The following VWDE variants were observed in gnomAD, a reference collection of about 807,000 sequenced individuals.
VWDE encodes the protein von Willebrand factor D and EGF domain-containing protein.
In VWDE, 207 loss-of-function variants were observed where a neutral mutation model predicts 178.4. That is an observed-to-expected ratio of 1.16 (90% CI 1.04 to 1.30). VWDE has a LOEUF of 1.30. Ranked by LOEUF, VWDE falls within the 50% of genes most tolerant of loss-of-function variation. The probability of loss-of-function intolerance (pLI) is 0.00; values close to 1 mark genes in which losing one functional copy is unlikely to be tolerated. For synonymous variants in VWDE, 738 were observed against 651.4 expected, an observed-to-expected ratio of 1.13 and a Z score of -2.02; for missense variants, 2,287 against 1,901.3, an observed-to-expected ratio of 1.20 and a Z score of -3.77.
At chr7:12,334,412 C>T (rs1406318320) in intron 27 of VWDE, among the ~76,000 whole-genome samples, 2 of 151,728 alleles carry the variant, frequency 1.3e-5, no homozygotes, top group Admixed American at 6.6e-5. Context: ...CTTACACATT[C>T]AAGAATAATT....
In VWDE at chr7:12,393,478, A is replaced by G. The variant is rs960132036; in HGVS notation, c.243+116T>C. ...GGGAATAGTCTTTCAGATTAACTCA[A>G]TACAAAATTAAAACAACATTTTAGC... On this transcript the variant is annotated intron_variant, in intron 2 of 28. Coordinates refer to ENST00000275358, the MANE Select transcript of VWDE (RefSeq NM_001135924.3). 1.6e-4 allele frequency: 139 copies of G among 881,894 alleles called. 1 individual carries two copies. The highest frequency in any genetic ancestry group is 4.5e-5 in the Non-Finnish European group (27 of 595,156). 54.6% of individuals were successfully genotyped at this position (881,894 alleles called of 1,614,324 possible). A position where few individuals can be genotyped will look rare whatever the true frequency, so the allele number is the denominator to read the frequency against.
intron 7 of VWDE, among the ~76,000 whole-genome samples, chr7:12,376,479 T>G (rs1160437610): frequency 6.6e-6 from 1 of 152,138 alleles, no homozygotes; most frequent in East Asian, 1.9e-4. Flanking sequence ...ATTTAGGCTA[T>G]TATTATATTA....
At position 12,369,888 on chromosome 7, in the gene VWDE, G is replaced by C. The variant is rs1314359609; in HGVS notation, c.2418C>G (p.Thr806=). The change falls in exon 12 of 29, where the codon ACC becomes ACG. Residue 806 remains threonine, a synonymous_variant. Coordinates refer to ENST00000275358, the MANE Select transcript of VWDE (RefSeq NM_001135924.3). The part of the protein sequence containing the change: ...PTPSGLTEYS[T]LTLCQETLAN... ...CTAGAGTCTCCTGACAGAGGGTCAA[G>C]GTGCTATACTCGGTGAGGCCAGAGG... 5.8e-6 allele frequency: 9 copies of C among 1,551,460 alleles called. No individual in the cohort carries two copies. Among genetic ancestry groups the C allele is most frequent in the Non-Finnish European group, 7.0e-6 (8 of 1,146,890 alleles).
intron 18 of VWDE, among the ~76,000 whole-genome samples, chr7:12,355,102 C>T (rs763562805): frequency 1.2e-4 from 19 of 152,132 alleles, no homozygotes; most frequent in Non-Finnish European, 2.5e-4. Context: ...AAGAGATCTA[C>T]ATTCATAGTT....
Position 12,380,527 on chromosome 7 carries a change from G to C in VWDE, c.748C>G (p.Leu250Val), listed in dbSNP as rs1054057543. Residue 250 changes from leucine to valine, a missense_variant, in exon 5 of 29, where the codon CTT becomes GTT. Physicochemically the swap from Leu to Val is conservative, Grantham distance 32. Coordinates refer to ENST00000275358, the MANE Select transcript of VWDE (RefSeq NM_001135924.3). Reference protein sequence around the residue: ...TQETTVQAFSLLELDGINLRL... With the variant: ...TQETTVQAFSVLELDGINLRL... The stretch of plus-strand genomic sequence containing the variant: ...AGATTTATGCCATCAAGTTCTAAAA[G>C]AGAGAATGCCTGAACTGTGGTCTCT... 1.9e-6 allele frequency: 3 copies of C among 1,551,774 alleles called. No individual in the cohort carries two copies. The highest frequency in any genetic ancestry group is 2.6e-6 in the Non-Finnish European group (3 of 1,147,048).
chr7:12,390,249 A>C (rs1251562641), intron 2 of VWDE, among the ~76,000 whole-genome samples: 1 of 152,074 alleles, frequency 6.6e-6, no homozygotes, highest in Non-Finnish European at 1.5e-5. Context: ...AATAGAATTA[A>C]ATAGAAAAAT....
At chr7:12,337,393 A>T (rs1393332603) in intron 24 of VWDE, 121 bp from the exon 25 acceptor site, 7 of 863,696 alleles carry the variant, frequency 8.1e-6, no homozygotes, top group Non-Finnish European at 1.3e-5. Context: ...TATTAAAATA[A>T]AAGATCACTC....
intron 1 of VWDE, among the ~76,000 whole-genome samples, chr7:12,395,702 A>C (rs2128563460): frequency 6.6e-6 from 1 of 152,094 alleles, no homozygotes; most frequent in South Asian, 2.1e-4. Context: ...AAATCTACTT[A>C]CCTCATTTAC....
rs1780687363 is a variant in VWDE at position 12,331,022 on chromosome 7, A to G, written c.*161T>C. The G allele has an allele frequency of 1.8e-6, 1 of 544,272 alleles. No homozygotes were observed. Among genetic ancestry groups the G allele is most frequent in the South Asian group, 2.9e-5 (1 of 34,404 alleles). 33.7% of individuals were successfully genotyped at this position (544,272 alleles called of 1,614,324 possible). A position where few individuals can be genotyped will look rare whatever the true frequency, so the allele number is the denominator to read the frequency against. ...CTGGATTTCTTCTTTGCTTTTCTCT[A>G]TGATTACAACAGAGATCATTATGTA... is the stretch of plus-strand genomic sequence containing the variant. On this transcript the variant is annotated 3_prime_UTR_variant, in exon 29 of 29. Coordinates refer to ENST00000275358, the MANE Select transcript of VWDE (RefSeq NM_001135924.3).
intron 7 of VWDE, among the ~76,000 whole-genome samples, chr7:12,375,440 C>T (rs2128557010): frequency 6.6e-6 from 1 of 152,028 alleles, no homozygotes; most frequent in South Asian, 2.1e-4. Context: ...ATAATATATA[C>T]ATATGTACAC....
intron 6 of VWDE, 106 bp downstream of exon 6, chr7:12,379,371 C>T (rs929628404): frequency 1.9e-5 from 13 of 678,264 alleles, no homozygotes; most frequent in South Asian, 3.6e-5. Context: ...CTCAACATTC[C>T]GATTCAGTCT....
Position 12,369,967 on chromosome 7 carries a change from G to A in VWDE, c.2339C>T (p.Pro780Leu). ...CTGTACATCCTCAGCATGGTCCTCT[G>A]GGAAAAAATAAGTAAGTTCTTCCAG... ...TDLEELTYFF[P>L]EDHAEDVQQE... is the part of the protein sequence containing the mutation. The change falls in exon 12 of 29, where the codon CCA becomes CTA. Residue 780 changes from proline (P) to leucine (L), a missense_variant. Pro to Leu is a moderately conservative substitution (Grantham distance 98). Coordinates refer to ENST00000275358, the MANE Select transcript of VWDE (RefSeq NM_001135924.3). The A allele has an allele frequency of 1.3e-6, 2 of 1,551,398 alleles. No individual in the cohort carries two copies. The highest frequency in any genetic ancestry group is 1.2e-5 in the South Asian group (1 of 84,048).
intron 9 of VWDE, among the ~76,000 whole-genome samples, chr7:12,374,337 C>A (rs571961499): frequency 1.3e-5 from 2 of 151,872 alleles, no homozygotes. Context: ...TTTGCCTAAA[C>A]TTAAAGATTG....
intron 7 of VWDE, 29 bp from the exon 8 acceptor site, chr7:12,375,256 T>A: frequency 6.6e-7 from 1 of 1,509,544 alleles, no homozygotes; most frequent in Non-Finnish European, 9.0e-7. Flanking sequence ...GGTTTAAAAA[T>A]TTCCAAGAGA....
chr7:12,395,035 T>C (rs1784559305), intron 1 of VWDE, among the ~76,000 whole-genome samples: 1 of 152,114 alleles, frequency 6.6e-6, no homozygotes, highest in East Asian at 1.9e-4. Flanking sequence ...GTTATGGCAA[T>C]TAAACTATAC....
rs565347272 is a variant in VWDE, at chr7:12,336,791, T to C, written c.4558+197A>G. On this transcript the variant is annotated intron_variant, in intron 26 of 28. Coordinates refer to ENST00000275358, the MANE Select transcript of VWDE (RefSeq NM_001135924.3). The stretch of plus-strand genomic sequence containing the variant: ...CTGAAAAATACAAGATATCCTCTTC[T>C]GCTAACCTGAAAGAATGAGTTCAGA... Among the ~76,000 whole-genome samples the C allele has an allele frequency of 9.8e-5, 15 of 152,290 alleles. 1 individual carries two copies. In the South Asian group the frequency reaches 2.3e-3, roughly 23 times the overall value.
At chr7:12,339,586 AAT>A (rs1488019169) in intron 24 of VWDE, among the ~76,000 whole-genome samples, 3 of 152,142 alleles carry the variant, frequency 2.0e-5, no homozygotes, top group Admixed American at 2.0e-4. Flanking sequence ...AAATAAAAGA[AAT>A]AGAATTGCAA....
At chr7:12,353,335 C>T (rs1165112539) in intron 18 of VWDE, among the ~76,000 whole-genome samples, 1 of 152,184 alleles carries the variant, frequency 6.6e-6, no homozygotes, top group Non-Finnish European at 1.5e-5. Flanking sequence ...ATCAGGGCTC[C>T]ACCCTTATAA....
Position 12,357,506 on chromosome 7 carries a change from G to A in VWDE, c.3284C>T (p.Pro1095Leu), listed in dbSNP as rs1364378788. ...GTCTTGCAATGCTTGAATCACTGGG[G>A]GCTGGTTGTCTGTAATAGAGAAAAC... ...FTWSFLENNQ[P>L]PVIQALQDKL... is the part of the protein sequence containing the mutation. The change falls in exon 17 of 29, where the codon CCC becomes CTC. Residue 1095 changes from proline to leucine, a missense_variant. Coordinates refer to ENST00000275358, the MANE Select transcript of VWDE (RefSeq NM_001135924.3). 2.6e-6 allele frequency: 4 copies of A among 1,551,880 alleles called. No homozygotes were observed. Among genetic ancestry groups the A allele is most frequent in the Non-Finnish European group, 3.5e-6 (4 of 1,147,078 alleles).
Sources: allele counts gnomAD v4.1 joint callset (sites outside exome capture counted in the v4.1 genomes callset), GRCh38; gene constraint gnomAD v4.1.1; transcripts MANE v1.5; gene names NCBI Gene and HGNC (gene_info 2026-07-23, HGNC 2026-07-21).